The following ST3GAL2 variants were observed in gnomAD, a reference collection of about 807,000 sequenced individuals.
The protein encoded by ST3GAL2 is CMP-N-acetylneuraminate-beta-galactosamide-alpha-2,3-sialyltransferase 2.
Under a neutral mutation model 37.5 loss-of-function variants are expected in ST3GAL2, and 16 were observed. That is an observed-to-expected ratio of 0.43 (90% CI 0.29 to 0.65). The LOEUF is 0.65. ST3GAL2 is among the 30% of genes least tolerant of loss of function. ST3GAL2 has a pLI of 0.17. For synonymous variants in ST3GAL2, 238 were observed against 202.9 expected (o/e 1.17, Z -1.47); for missense variants, 383 against 487.8 (o/e 0.79, Z 2.02).
intron 1 of ST3GAL2, among the ~76,000 whole-genome samples, chr16:70,410,564 C>CT (rs888260538): frequency 1.3e-5 from 2 of 151,734 alleles, no homozygotes; most frequent in Non-Finnish European, 2.9e-5. Flanking sequence ...ACCCTCACCA[C>CT]TTTTTTTCCC....
chr16:70,407,146 C>CTT (rs768491019), intron 1 of ST3GAL2, among the ~76,000 whole-genome samples: 17 of 139,886 alleles, frequency 1.2e-4, no homozygotes, highest in East Asian at 2.1e-4. Context: ...ACACTATGGC[C>CTT]TTTTTTTTTT....
chr16:70,414,236 T>C (rs573771815), intron 1 of ST3GAL2, among the ~76,000 whole-genome samples: 2 of 152,264 alleles, frequency 1.3e-5, no homozygotes, highest in South Asian at 4.1e-4. Context: ...CATAGAACTC[T>C]AGCCAACACA....
chr16:70,405,788 C>T (rs575962483), intron 1 of ST3GAL2, among the ~76,000 whole-genome samples: 3 of 151,790 alleles, frequency 2.0e-5, no homozygotes, highest in Admixed American at 6.6e-5. Context: ...CAGCCAGGCG[C>T]GGTGGCTCAC....
At chr16:70,390,877 T>G (rs1305484463) in intron 3 of ST3GAL2, among the ~76,000 whole-genome samples, 1 of 152,180 alleles carries the variant, frequency 6.6e-6, no homozygotes, top group African/African-American at 2.4e-5. Context: ...TTTTCTGTTA[T>G]GACTGTTTAC....
chr16:70,386,921 T>G (rs2047447427), intron 4 of ST3GAL2, among the ~76,000 whole-genome samples: 1 of 149,834 alleles, frequency 6.7e-6, no homozygotes, highest in East Asian at 2.1e-4. Flanking sequence ...TGGGATTACA[T>G]GCGTGAGCCG....
chr16:70,431,816 T>G (rs1261653625), intron 1 of ST3GAL2, among the ~76,000 whole-genome samples: 1 of 151,592 alleles, frequency 6.6e-6, no homozygotes, highest in Non-Finnish European at 1.5e-5. Flanking sequence ...ACAAGAAAAT[T>G]AGCCAGGCGT....
chr16:70,376,334 CAT>C lies in ST3GAL2; in HGVS notation c.*5353_*5354del, dbSNP rs1255330361. 7.2e-5 allele frequency: 11 copies of C among 152,340 alleles called. No individual in the cohort carries two copies. Among genetic ancestry groups the C allele is most frequent in the African/African-American group, 2.2e-4 (9 of 41,560 alleles). 9.4% of individuals were successfully genotyped at this position (152,340 alleles called of 1,614,324 possible). A position where few individuals can be genotyped will look rare whatever the true frequency, so the allele number is the denominator to read the frequency against. On this transcript the variant is annotated 3_prime_UTR_variant, in exon 7 of 7. Coordinates refer to ENST00000342907, the MANE Select transcript of ST3GAL2 (RefSeq NM_006927.4). ...AACTGGGCGCCCTGAGTGCAGATGC[CAT>C]ATGTTTCTTCTGCTTCACAGGCTTC... is the stretch of plus-strand genomic sequence containing the variant.
Position 70,395,165 on chromosome 16 carries a change from G to C in ST3GAL2, c.350C>G (p.Pro117Arg). 6.3e-7 allele frequency: 1 copy of C among 1,599,474 alleles called. No homozygotes were observed. The highest frequency in any genetic ancestry group is 8.5e-7 in the Non-Finnish European group (1 of 1,171,890). Residue 117 changes from proline (P) to arginine (R), a missense_variant, in exon 3 of 7, where the codon CCC (proline) becomes CGC (arginine). Coordinates refer to ENST00000342907, the MANE Select transcript of ST3GAL2 (RefSeq NM_006927.4). ...DVQRWWMMLQ[P>R]QFKSHNTNEV... The stretch of plus-strand genomic sequence containing the variant: ...ATTGGTGTTGTGTGACTTGAACTGG[G>C]GCTGCAGCATCTGTGGAAGGGAGGG...
rs928307964 is a variant in ST3GAL2 at position 70,379,258 on chromosome 16, C to T, written c.*2431G>A. 1.3e-5 allele frequency: 2 copies of T among 152,056 alleles called. No individual in the cohort carries two copies. The highest frequency in any genetic ancestry group is 4.8e-5 in the African/African-American group (2 of 41,440). The allele number at this position is 152,056 out of a possible 1,614,324, so 9.4% of individuals were successfully genotyped here. The stretch of plus-strand genomic sequence containing the variant: ...ACCAGGAATCCTCTCCAATGAACTC[C>T]TCTCCTGGAGGAAACTCAAGAGGCG... On this transcript the variant is annotated 3_prime_UTR_variant, in exon 7 of 7. Coordinates refer to ENST00000342907, the MANE Select transcript of ST3GAL2 (RefSeq NM_006927.4).
At chr16:70,383,022 G>A in intron 5 of ST3GAL2, 98 bp from the exon 6 acceptor site, 1 of 1,581,404 alleles carries the variant, frequency 6.3e-7, no homozygotes, top group Non-Finnish European at 8.6e-7. Context: ...TCAGAGACCT[G>A]TGCGTCTGTG....
chr16:70,382,729 A>G, intron 6 of ST3GAL2, 76 bp downstream of exon 6: 1 of 1,594,352 alleles, frequency 6.3e-7, no homozygotes, highest in Non-Finnish European at 8.6e-7. Flanking sequence ...TTCCTCTGTT[A>G]GCCTGCTAAG....
chr16:70,383,373 C>T lies in ST3GAL2; in HGVS notation c.714-138G>A. ...CGAGGCCAGCCGGATCACCTGAGGC[C>T]AGGAGTTTGAGGCCAGCCTGACCAA... On this transcript the variant is annotated intron_variant, in intron 4 of 6. Coordinates refer to ENST00000342907, the MANE Select transcript of ST3GAL2 (RefSeq NM_006927.4). The T allele has an allele frequency of 5.5e-6, 4 of 732,460 alleles. No homozygotes were observed. In the South Asian group the frequency reaches 7.5e-5, roughly 14 times the overall value. 45.4% of individuals were successfully genotyped at this position (732,460 alleles called of 1,614,324 possible).
At chr16:70,431,903 GC>G (rs2047793096) in intron 1 of ST3GAL2, among the ~76,000 whole-genome samples, 1 of 151,942 alleles carries the variant, frequency 6.6e-6, no homozygotes, top group Non-Finnish European at 1.5e-5. Context: ...GGCAGAGCTT[GC>G]AGTGAGCCGA....
At chr16:70,422,683 G>C (rs936513578) in intron 1 of ST3GAL2, among the ~76,000 whole-genome samples, 2 of 152,130 alleles carry the variant, frequency 1.3e-5, no homozygotes, top group African/African-American at 4.8e-5. Context: ...CACCCTCAGA[G>C]TCCAAAGCCC....
At chr16:70,428,654 TCAA>T (rs1275240896) in intron 1 of ST3GAL2, among the ~76,000 whole-genome samples, 2 of 152,200 alleles carry the variant, frequency 1.3e-5, no homozygotes, top group African/African-American at 4.8e-5. Flanking sequence ...ACTGGACTTC[TCAA>T]GGTCCCCACA....
intron 3 of ST3GAL2, among the ~76,000 whole-genome samples, chr16:70,394,178 C>G (rs571613823): frequency 9.8e-5 from 15 of 152,318 alleles, no homozygotes; most frequent in Non-Finnish European, 1.2e-4. Flanking sequence ...CCCTTCCTCA[C>G]GGCTGGGCAT....
At chr16:70,382,051 CTTTTTTT>C (rs11320527) in intron 6 of ST3GAL2, among the ~76,000 whole-genome samples, 189 bp from the exon 7 acceptor site, 1 of 129,290 alleles carries the variant, frequency 7.7e-6, no homozygotes, top group Admixed American at 7.7e-5. Flanking sequence ...CAAATTCCTC[CTTTTTTT>C]TTTTTTTTTT....
At chr16:70,438,475 G>A (rs536069440) in intron 1 of ST3GAL2, among the ~76,000 whole-genome samples, 114 of 152,328 alleles carry the variant, frequency 7.5e-4, no homozygotes, top group South Asian at 2.5e-3. Context: ...GCAGTGCCAG[G>A]TAGGGGAAAG....
chr16:70,398,713 T>C lies in ST3GAL2; in HGVS notation c.-183A>G. On this transcript the variant is annotated 5_prime_UTR_variant, in exon 2 of 7. Coordinates refer to ENST00000342907, the MANE Select transcript of ST3GAL2 (RefSeq NM_006927.4). ...TCCCTCATGTAGGGAGAACACACGT[T>C]GGCAGGAGTGGCTGTCCTGTCCCTG... is the stretch of plus-strand genomic sequence containing the variant. 1 of 631,666 alleles carries C rather than the reference T, an allele frequency of 1.6e-6. No individual in the cohort carries two copies. The highest frequency in any genetic ancestry group is 2.7e-6 in the Non-Finnish European group (1 of 365,884). The allele number at this position is 631,666 out of a possible 1,614,324, so 39.1% of individuals were successfully genotyped here. A position where few individuals can be genotyped will look rare whatever the true frequency, so the allele number is the denominator to read the frequency against.
Sources: allele counts gnomAD v4.1 joint callset (sites outside exome capture counted in the v4.1 genomes callset), GRCh38; gene constraint gnomAD v4.1.1; transcripts MANE v1.5; gene names NCBI Gene and HGNC (gene_info 2026-07-23, HGNC 2026-07-21).